Variants in SKIC3 observed in about 807,000 individuals in gnomAD.
SKIC3 encodes superkiller complex protein 3.
At chr5:95,500,928 T>A in the SKIC3 span, among the ~76,000 whole-genome samples, 2 of 152,162 alleles carry the variant, frequency 1.3e-5, no homozygotes, top group Non-Finnish European at 2.9e-5. Flanking sequence ...TTGTACTTCA[T>A]TTTGACAAAC....
chr5:95,532,186 GT>G, the SKIC3 span, among the ~76,000 whole-genome samples: 1 of 152,108 alleles, frequency 6.6e-6, no homozygotes, highest in Non-Finnish European at 1.5e-5. Context: ...CATCTCTCCA[GT>G]GAACATCCAT....
At chr5:95,533,102 C>T in the SKIC3 span, among the ~76,000 whole-genome samples, 1 of 151,804 alleles carries the variant, frequency 6.6e-6, no homozygotes, top group Non-Finnish European at 1.5e-5. Context: ...TTTTATCCTC[C>T]CCCATTTCAG....
chr5:95,482,604 C>T, the SKIC3 span: 247 of 1,613,998 alleles, frequency 1.5e-4, 4 homozygotes, highest in South Asian at 2.5e-3. Context: ...AAGATAACGG[C>T]TGGCTGATCA....
At chr5:95,490,433 ATTAAATAATGTATATATATAT>A in the SKIC3 span, among the ~76,000 whole-genome samples, 1 of 147,346 alleles carries the variant, frequency 6.8e-6, no homozygotes, top group Non-Finnish European at 1.5e-5. Context: ...ATATATATTC[ATTAAATAATGTATATATATAT>A]TTAAATAATG....
the SKIC3 span, among the ~76,000 whole-genome samples, chr5:95,489,681 AAT>A: frequency 2.6e-4 from 39 of 152,270 alleles, 1 homozygote; most frequent in South Asian, 7.9e-3. Context: ...AAAATGGTAA[AAT>A]ATATGATAGA....
chr5:95,520,097 AT>A, the SKIC3 span, among the ~76,000 whole-genome samples: 2 of 152,014 alleles, frequency 1.3e-5, no homozygotes, highest in Non-Finnish European at 2.9e-5. Flanking sequence ...AAAAATTCAA[AT>A]GTACATCTAA....
At chr5:95,468,039 G>T in the SKIC3 span, 1 of 1,605,040 alleles carries the variant, frequency 6.2e-7, no homozygotes, top group Non-Finnish European at 8.5e-7. Flanking sequence ...ATTACCATAA[G>T]ATATTTCCTA....
chr5:95,483,748 T>C, the SKIC3 span, among the ~76,000 whole-genome samples: 1 of 152,226 alleles, frequency 6.6e-6, no homozygotes, highest in Non-Finnish European at 1.5e-5. Flanking sequence ...CTTTGGAAAC[T>C]AATTCATTCT....
the SKIC3 span, among the ~76,000 whole-genome samples, chr5:95,550,337 A>G: frequency 6.6e-6 from 1 of 151,938 alleles, no homozygotes; most frequent in Admixed American, 6.6e-5. Flanking sequence ...CAAAGATTCC[A>G]CAAAGCTAAA....
the SKIC3 span, chr5:95,524,393 A>C: frequency 6.3e-7 from 1 of 1,581,088 alleles, no homozygotes; most frequent in Non-Finnish European, 8.6e-7. Flanking sequence ...ATTGTAACTA[A>C]TGTATATGAT....
chr5:95,524,507 C>T, the SKIC3 span: 1 of 1,613,652 alleles, frequency 6.2e-7, no homozygotes. Flanking sequence ...CTTTTCTTGT[C>T]TCTTCACCCA....
At chr5:95,474,632 G>C in the SKIC3 span, among the ~76,000 whole-genome samples, 1 of 151,928 alleles carries the variant, frequency 6.6e-6, no homozygotes, top group Non-Finnish European at 1.5e-5. Context: ...ACATAGCTGG[G>C]GTTTTCTGTA....
the SKIC3 span, chr5:95,504,042 C>A: frequency 8.9e-7 from 1 of 1,128,362 alleles, no homozygotes; most frequent in South Asian, 1.2e-5. Context: ...GACGCGGTGG[C>A]TCACATCTGT....
At chr5:95,532,904 C>T in the SKIC3 span, among the ~76,000 whole-genome samples, 1 of 151,994 alleles carries the variant, frequency 6.6e-6, no homozygotes, top group African/African-American at 2.4e-5. Flanking sequence ...AAATTAATTT[C>T]TGACATCCCA....
At chr5:95,498,603 T>C in the SKIC3 span, 2 of 1,609,846 alleles carry the variant, frequency 1.2e-6, no homozygotes, top group South Asian at 2.2e-5. Context: ...TGTAAAGATA[T>C]TTTAAAATTA....
the SKIC3 span, chr5:95,503,113 T>C: frequency 5.0e-5 from 59 of 1,175,244 alleles, no homozygotes; most frequent in Non-Finnish European, 7.0e-5. Context: ...TACAATTATA[T>C]CTTTGTATTC....
At chr5:95,485,744 T>A in the SKIC3 span, among the ~76,000 whole-genome samples, 1 of 152,180 alleles carries the variant, frequency 6.6e-6, no homozygotes, top group Non-Finnish European at 1.5e-5. Flanking sequence ...AGATAGCTAT[T>A]CAAGATAGCT....
the SKIC3 span, chr5:95,537,125 T>C: frequency 6.2e-7 from 1 of 1,613,310 alleles, no homozygotes; most frequent in Admixed American, 1.7e-5. Context: ...CAGTGCATTC[T>C]CAAAAGCAGT....
the SKIC3 span, among the ~76,000 whole-genome samples, chr5:95,470,945 A>G: frequency 6.6e-6 from 1 of 152,202 alleles, no homozygotes; most frequent in Admixed American, 6.5e-5. Context: ...AGATTTCATA[A>G]CCACAAGTAT....
Sources: allele counts gnomAD v4.1 joint callset (sites outside exome capture counted in the v4.1 genomes callset), GRCh38; gene constraint gnomAD v4.1.1; transcripts MANE v1.5; gene names NCBI Gene and HGNC (gene_info 2026-07-23, HGNC 2026-07-21).